The following UBL3 variants were observed in gnomAD, a reference collection of about 807,000 sequenced individuals.
UBL3 encodes ubiquitin-like protein 3.
A neutral mutation model predicts 18.4 loss-of-function variants in UBL3; 6 were observed. That is an observed-to-expected ratio of 0.33 (90% CI 0.18 to 0.64). The LOEUF (loss-of-function observed/expected upper bound fraction) is 0.64. UBL3 is among the 30% of genes least tolerant of loss of function. The pLI is 0.76. For missense variants in UBL3, 109 were observed against 142.9 expected (o/e 0.76, Z 1.21); for synonymous variants, 49 against 46.6 (o/e 1.05, Z -0.21).
chr13:29,812,724 T>C (rs1878126224), intron 1 of UBL3, among the ~76,000 whole-genome samples: 1 of 152,074 alleles, frequency 6.6e-6, no homozygotes, highest in Non-Finnish European at 1.5e-5. Context: ...CTGTAAATTT[T>C]ATGAAATATA....
chr13:29,794,376 C>A (rs1230851624), intron 1 of UBL3, among the ~76,000 whole-genome samples: 2 of 150,842 alleles, frequency 1.3e-5, no homozygotes, highest in African/African-American at 4.9e-5. Flanking sequence ...ACACACGCAC[C>A]CCTACCTATA....
At chr13:29,823,741 T>C (rs1878539596) in intron 1 of UBL3, among the ~76,000 whole-genome samples, 2 of 152,324 alleles carry the variant, frequency 1.3e-5, no homozygotes, top group Non-Finnish European at 1.5e-5. Flanking sequence ...CTTTAAGTTC[T>C]AGGGTACATG....
rs556647466 is a variant in UBL3, at chr13:29,803,125, T to A, written c.28-25862A>T. Among the ~76,000 whole-genome samples, 3 of 152,316 alleles carry A rather than the reference T, an allele frequency of 2.0e-5. No individual in the cohort carries two copies. The South Asian group carries it at 6.2e-4, about 32-fold the overall frequency. ...TTCAGCATTCTATAAGAAAAGAATT[T>A]CCAACCAAGAATTTCAAATCCAGCC... On this transcript the variant is annotated intron_variant, in intron 1 of 4. Coordinates refer to ENST00000380680, the MANE Select transcript of UBL3 (RefSeq NM_007106.4).
intron 3 of UBL3, 112 bp downstream of exon 3, chr13:29,772,000 T>C (rs1876853023): frequency 1.1e-6 from 1 of 909,786 alleles, no homozygotes; most frequent in Admixed American, 2.4e-5. Context: ...GCAGAATTCA[T>C]AGTTTGAATT....
intron 1 of UBL3, among the ~76,000 whole-genome samples, chr13:29,848,316 G>A (rs530481578): frequency 6.8e-6 from 1 of 147,836 alleles, no homozygotes; most frequent in Non-Finnish European, 1.5e-5. Context: ...AATTAGCCAG[G>A]TGTGGTGGTG....
At chr13:29,806,175 TCAAAACCAAAAAA>T (rs1056425026) in intron 1 of UBL3, among the ~76,000 whole-genome samples, 7 of 152,190 alleles carry the variant, frequency 4.6e-5, no homozygotes, top group South Asian at 2.1e-4. Context: ...ACACGCTGTC[TCAAAACCAAAAAA>T]CAAAACCAAA....
intron 1 of UBL3, among the ~76,000 whole-genome samples, chr13:29,835,107 AATATATATATATATATAAATAT>A (rs1878897893): frequency 1.3e-4 from 3 of 23,792 alleles, no homozygotes; most frequent in South Asian, 1.4e-3. Context: ...TATATATATA[AATATATATATATATATAAATAT>A]ATATATATAT....
chr13:29,807,067 G>T (rs17502757), intron 1 of UBL3, among the ~76,000 whole-genome samples: 12,925 of 152,142 alleles, frequency 0.085, 615 homozygotes, highest in African/African-American at 0.11. Context: ...AAAGGAATTG[G>T]TAAGAATATG....
At chr13:29,777,010 T>C (rs1017314563) in intron 2 of UBL3, 145 bp downstream of exon 2, 1 of 541,876 alleles carries the variant, frequency 1.8e-6, no homozygotes, top group Non-Finnish European at 3.1e-6. Flanking sequence ...TAAGGAAGGG[T>C]ACAATGATCC....
In UBL3 at chr13:29,803,082, T is replaced by C. The variant is rs185426652; in HGVS notation, c.28-25819A>G. Among the ~76,000 whole-genome samples the C allele has an allele frequency of 3.7e-4, 56 of 152,036 alleles. 1 individual carries two copies. The highest frequency in any genetic ancestry group is 8.8e-5 in the Non-Finnish European group (6 of 67,852). ...AGAGGCAGGTCACTTATACAAATCA[T>C]TCACTTATACAAATATATTCAGCAT... On this transcript the variant is annotated intron_variant, in intron 1 of 4. Coordinates refer to ENST00000380680, the MANE Select transcript of UBL3 (RefSeq NM_007106.4).
At chr13:29,796,614 T>G (rs1430961961) in intron 1 of UBL3, among the ~76,000 whole-genome samples, 1 of 152,188 alleles carries the variant, frequency 6.6e-6, no homozygotes, top group Non-Finnish European at 1.5e-5. Context: ...ATATTTTAAA[T>G]TGGAAGTGAC....
At chr13:29,839,619 C>A (rs1236959284) in intron 1 of UBL3, among the ~76,000 whole-genome samples, 1 of 152,102 alleles carries the variant, frequency 6.6e-6, no homozygotes, top group Non-Finnish European at 1.5e-5. Context: ...GTGAGACCCC[C>A]ATCTCTTAAA....
At chr13:29,811,649 A>C (rs919976799) in intron 1 of UBL3, among the ~76,000 whole-genome samples, 5 of 152,252 alleles carry the variant, frequency 3.3e-5, no homozygotes, top group South Asian at 4.1e-4. Context: ...GCACACAGCT[A>C]TCTTGAAAGT....
At chr13:29,827,701 T>G (rs192364099) in intron 1 of UBL3, among the ~76,000 whole-genome samples, 2 of 152,216 alleles carry the variant, frequency 1.3e-5, no homozygotes, top group Non-Finnish European at 2.9e-5. Flanking sequence ...TATTGTTATG[T>G]GTGAATTTGA....
chr13:29,837,429 C>T (rs1482967372), intron 1 of UBL3, among the ~76,000 whole-genome samples: 5 of 151,860 alleles, frequency 3.3e-5, no homozygotes, highest in Non-Finnish European at 4.4e-5. Context: ...AGTGAAAATA[C>T]AAGTGAACAT....
chr13:29,799,915 G>C (rs1439207167), intron 1 of UBL3, among the ~76,000 whole-genome samples: 1 of 150,800 alleles, frequency 6.6e-6, no homozygotes, highest in Non-Finnish European at 1.5e-5. Flanking sequence ...AGTATCAAAG[G>C]ACAAAATTTG....
intron 1 of UBL3, among the ~76,000 whole-genome samples, chr13:29,816,272 G>A (rs1878278713): frequency 6.6e-6 from 1 of 151,912 alleles, no homozygotes; most frequent in Non-Finnish European, 1.5e-5. Context: ...AAGCAATATG[G>A]TATTGAAGAA....
chr13:29,839,819 C>T (rs1206833304), intron 1 of UBL3, among the ~76,000 whole-genome samples: 4 of 150,386 alleles, frequency 2.7e-5, no homozygotes, highest in Admixed American at 6.7e-5. Flanking sequence ...CCCAGTTACT[C>T]GGGAGGCTGA....
chr13:29,824,807 C>A (rs1878573557), intron 1 of UBL3, among the ~76,000 whole-genome samples: 1 of 152,102 alleles, frequency 6.6e-6, no homozygotes, highest in African/African-American at 2.4e-5. Context: ...ATGGTACTGC[C>A]TAGGTTTTCT....
Sources: gnomAD v4.1 joint callset for allele counts (sites outside exome capture counted in the v4.1 genomes callset) on GRCh38, gnomAD v4.1.1 for gene constraint, MANE v1.5 for transcripts, NCBI Gene and HGNC (gene_info 2026-07-23, HGNC 2026-07-21) for gene names.